The following SPTBN1 variants were observed in gnomAD, a reference collection of about 807,000 sequenced individuals.
SPTBN1 encodes spectrin beta chain, non-erythrocytic 1.
SPTBN1 carries 32 observed loss-of-function variants against 266.4 expected under a neutral mutation model. That is an observed-to-expected ratio of 0.12 (90% CI 0.09 to 0.16). SPTBN1 has a LOEUF of 0.16. Among genes scored for constraint, SPTBN1 ranks in the 10% least tolerant of loss-of-function variants. The pLI is 1.00. For synonymous variants in SPTBN1, 1,336 were observed against 1,162.2 expected, an observed-to-expected ratio of 1.15 and a Z score of -3.04; for missense variants, 2,296 against 3,067.1, an observed-to-expected ratio of 0.75 and a Z score of 5.94.
Position 54,645,490 on chromosome 2 carries a change from G to T in SPTBN1, c.4494+37G>T. ...CCTACTGCACACATGGCTTTTCCAC[G>T]AGCCCCCTTGCCTGTGCTAAAGCCC... is the stretch of plus-strand genomic sequence containing the variant. On this transcript the variant is annotated intron_variant, in intron 21 of 35. Transcript: ENST00000356805. This position sits in a 1 kb window ranked among gnomAD's most constrained non-coding sequence, Gnocchi z 4.3. 1 of 1,599,776 alleles carries T rather than the reference G, an allele frequency of 6.3e-7. No homozygotes were observed. The highest frequency in any genetic ancestry group is 8.5e-7 in the Non-Finnish European group (1 of 1,170,332).
intron 28 of SPTBN1, 108 bp from the exon 29 acceptor site, chr2:54,655,806 T>C: frequency 1.3e-6 from 1 of 774,844 alleles, no homozygotes; most frequent in Non-Finnish European, 2.1e-6. Flanking sequence ...ATCTCCCAGC[T>C]TAATGGTGGT....
chr2:54,621,538 T>C (rs375416916), intron 8 of SPTBN1, 26 bp downstream of exon 8: 19 of 1,581,296 alleles, frequency 1.2e-5, no homozygotes, highest in Admixed American at 8.3e-5. Flanking sequence ...TTTTGTGAGT[T>C]GTGAGACATA....
chr2:54,612,583 G>A (rs1230603294), intron 4 of SPTBN1, among the ~76,000 whole-genome samples: 2 of 152,122 alleles, frequency 1.3e-5, no homozygotes, highest in African/African-American at 4.8e-5. Flanking sequence ...ACATCTCAGC[G>A]GCCCAGGGGC....
rs186379885 is a variant in SPTBN1, at chr2:54,526,793, T to A, written c.148+227T>A. On this transcript the variant is annotated intron_variant, in intron 2 of 35. Coordinates refer to ENST00000356805, the MANE Select transcript of SPTBN1 (RefSeq NM_003128.3). Reference sequence around the variant, plus strand: ...TATTCAGAGCACAGAGTGTTATTTATAGCAATTCAAGAACAGCTGCCCTAA... The same window carrying A: ...TATTCAGAGCACAGAGTGTTATTTAAAGCAATTCAAGAACAGCTGCCCTAA... 98 of 397,424 alleles carry A rather than the reference T, an allele frequency of 2.5e-4. 2 individuals are homozygous for A. In the East Asian group the frequency reaches 3.8e-3, roughly 16 times the overall value. The allele number at this position is 397,424 out of a possible 1,614,324, so 24.6% of individuals were successfully genotyped here. A position where few individuals can be genotyped will look rare whatever the true frequency, so the allele number is the denominator to read the frequency against.
intron 1 of SPTBN1, among the ~76,000 whole-genome samples, chr2:54,511,317 G>C (rs1178554098): frequency 2.0e-5 from 3 of 152,140 alleles, no homozygotes; most frequent in South Asian, 4.2e-4. Flanking sequence ...GTCATGTGCA[G>C]GCCTCTAATG....
chr2:54,541,921 A>T (rs1671963930), intron 2 of SPTBN1, among the ~76,000 whole-genome samples: 1 of 152,202 alleles, frequency 6.6e-6, no homozygotes, highest in East Asian at 1.9e-4. Context: ...AGATGCTCTG[A>T]TACTTTCTAT....
chr2:54,667,908 G>T (rs1185156504), intron 35 of SPTBN1, among the ~76,000 whole-genome samples: 1 of 152,198 alleles, frequency 6.6e-6, no homozygotes, highest in East Asian at 1.9e-4. Context: ...GAGGCATAGT[G>T]AGGTGGTCCC....
chr2:54,541,872 AT>A (rs1671960732), intron 2 of SPTBN1, among the ~76,000 whole-genome samples: 1 of 152,252 alleles, frequency 6.6e-6, no homozygotes, highest in Non-Finnish European at 1.5e-5. Flanking sequence ...ATCCACACAC[AT>A]TTAAATTTCA....
intron 2 of SPTBN1, among the ~76,000 whole-genome samples, chr2:54,565,495 C>T (rs1489071519): frequency 6.6e-6 from 1 of 152,148 alleles, no homozygotes; most frequent in Non-Finnish European, 1.5e-5. Context: ...CCACAGTTGG[C>T]TCAAGAGCCA....
At position 54,664,630 on chromosome 2, in the gene SPTBN1, A is replaced by C. The variant is rs370848377; in HGVS notation, c.6598A>C (p.Met2200Leu). The C allele has an allele frequency of 6.2e-7, 1 of 1,614,208 alleles. No individual in the cohort carries two copies. Among genetic ancestry groups the C allele is most frequent in the Non-Finnish European group, 8.5e-7 (1 of 1,180,048 alleles). Reference sequence around the variant, plus strand: ...AACCCAGGAGACACCTTCGGCCCAGATGGAAGGCTTCCTCAATCGGAAACA... The same window carrying C: ...AACCCAGGAGACACCTTCGGCCCAGCTGGAAGGCTTCCTCAATCGGAAACA... ...ARTQETPSAQ[M>L]EGFLNRKHEW... is the part of the protein sequence containing the mutation. Residue 2200 changes from methionine to leucine, a missense_variant, in exon 33 of 36, where the codon ATG becomes CTG. Physicochemically the swap from Met to Leu is conservative, Grantham distance 15. Coordinates refer to ENST00000356805, the MANE Select transcript of SPTBN1 (RefSeq NM_003128.3). This position sits in a 1 kb window ranked among gnomAD's most constrained non-coding sequence, Gnocchi z 5.6.
chr2:54,618,843 T>A (rs1487529101), intron 7 of SPTBN1, among the ~76,000 whole-genome samples: 3 of 152,138 alleles, frequency 2.0e-5, no homozygotes, highest in Non-Finnish European at 4.4e-5. Flanking sequence ...TACAGCTGCA[T>A]CCCATTATCT....
In SPTBN1 at chr2:54,625,921, T is replaced by C; in HGVS notation, c.1342-11T>C. 4 of 1,609,068 alleles carry C rather than the reference T, an allele frequency of 2.5e-6. No individual in the cohort carries two copies. The highest frequency in any genetic ancestry group is 3.4e-6 in the Non-Finnish European group (4 of 1,175,822). On this transcript the variant is annotated splice_polypyrimidine_tract_variant and intron_variant, in intron 11 of 35. Coordinates refer to ENST00000356805, the MANE Select transcript of SPTBN1 (RefSeq NM_003128.3). ...TTTTATTTTCCTTCTTTTCATTCCG[T>C]TTCTCTGTAGGACAACTTTGGGTTT...
At chr2:54,521,149 A>T (rs1670414093) in intron 1 of SPTBN1, among the ~76,000 whole-genome samples, 1 of 152,230 alleles carries the variant, frequency 6.6e-6, no homozygotes, top group African/African-American at 2.4e-5. Context: ...AGCTGGCCCT[A>T]GTCCCATGTG....
chr2:54,482,016 A>G (rs1380948979), intron 1 of SPTBN1, among the ~76,000 whole-genome samples: 1 of 152,058 alleles, frequency 6.6e-6, no homozygotes, highest in Non-Finnish European at 1.5e-5. Context: ...TGGTTTTGCT[A>G]TTGATGAGCC....
rs1438400032 is a variant in SPTBN1 at position 54,671,353 on chromosome 2, T to A, written c.*2784T>A. On this transcript the variant is annotated 3_prime_UTR_variant, in exon 36 of 36. Transcript: ENST00000356805. ...TCATTTCACCAAGTTCCTGGAACTG[T>A]TAGAATTGCTTGTGTATGGGGATCC... The A allele has an allele frequency of 6.6e-6, 1 of 152,156 alleles. No individual in the cohort carries two copies. The highest frequency in any genetic ancestry group is 1.5e-5 in the Non-Finnish European group (1 of 68,068). 9.4% of individuals were successfully genotyped at this position (152,156 alleles called of 1,614,324 possible).
At chr2:54,596,214 C>T (rs977451163) in intron 2 of SPTBN1, among the ~76,000 whole-genome samples, 62 of 152,270 alleles carry the variant, frequency 4.1e-4, no homozygotes, top group Admixed American at 3.4e-3. Flanking sequence ...GACTGTCTGG[C>T]CCATATCCCC....
chr2:54,645,394 C>G lies in SPTBN1; in HGVS notation c.4435C>G (p.His1479Asp). Residue 1479 changes from histidine to aspartate, a missense_variant, in exon 21 of 36, where the codon CAT (histidine) becomes GAT (aspartate). Physicochemically the swap from His to Asp is moderately conservative, Grantham distance 81. This residue lies in a region of SPTBN1 where 386 missense variants were observed against 486.1 expected (regional missense o/e 0.79). Transcript: ENST00000356805. The surrounding 1 kb of genome is among the most constrained non-coding windows in gnomAD (Gnocchi z 4.3). The stretch of plus-strand genomic sequence containing the variant: ...GCTGGAGCCCTTGAACGAGAGGAAG[C>G]ATAACCTGCTGGCCTCCAAAGAGAT... ...ELLEPLNERK[H>D]NLLASKEIHQ... is the part of the protein sequence containing the mutation. 6.2e-7 allele frequency: 1 copy of G among 1,614,216 alleles called. No individual in the cohort carries two copies. Among genetic ancestry groups the G allele is most frequent in the Non-Finnish European group, 8.5e-7 (1 of 1,180,036 alleles).
intron 7 of SPTBN1, among the ~76,000 whole-genome samples, chr2:54,618,897 T>C (rs1677813730): frequency 6.6e-6 from 1 of 152,238 alleles, no homozygotes; most frequent in South Asian, 2.1e-4. Flanking sequence ...CCTGTGTAAC[T>C]TGGAGCTGAC....
chr2:54,474,603 AT>A (rs1433521509), intron 1 of SPTBN1, among the ~76,000 whole-genome samples: 4 of 152,222 alleles, frequency 2.6e-5, no homozygotes, highest in Admixed American at 6.5e-5. Context: ...AAACTTTAAT[AT>A]TATTATGGAA....
Sources: gnomAD v4.1 joint callset for allele counts (sites outside exome capture counted in the v4.1 genomes callset) on GRCh38, gnomAD v4.1.1 for gene constraint, gnomAD v4.1.1 regional missense constraint, Gnocchi (gnomAD v3.1) non-coding constraint, MANE v1.5 for transcripts, NCBI Gene and HGNC (gene_info 2026-07-23, HGNC 2026-07-21) for gene names.